The following ST13 variants were observed in gnomAD, a reference collection of about 807,000 sequenced individuals.
ST13 encodes the protein ST13 Hsp70 interacting protein, also known as hsc70-interacting protein.
A neutral mutation model predicts 56.7 loss-of-function variants in ST13; 23 were observed. The observed-to-expected ratio is 0.41, with a 90% CI of 0.29 to 0.57. The LOEUF (loss-of-function observed/expected upper bound fraction) is 0.57. Ranked by LOEUF, ST13 falls within the 20% of genes least tolerant of loss-of-function variation. ST13 has a pLI of 0.36. For synonymous variants in ST13, 132 were observed against 142.4 expected (o/e 0.93, Z 0.52); for missense variants, 369 against 459.9 (o/e 0.80, Z 1.81).
chr22:40,836,882 G>GAGT (rs1569000835), intron 5 of ST13, among the ~76,000 whole-genome samples: 1 of 152,162 alleles, frequency 6.6e-6, no homozygotes, highest in Non-Finnish European at 1.5e-5. Context: ...ACATAGGCTA[G>GAGT]AGTACAGTGG....
At chr22:40,835,006 T>C (rs747871542) in intron 7 of ST13, among the ~76,000 whole-genome samples, 15 of 152,200 alleles carry the variant, frequency 9.9e-5, no homozygotes, top group Non-Finnish European at 2.1e-4. Flanking sequence ...GATACAAATA[T>C]TCCTAAGTTT....
chr22:40,833,540 G>A (rs1204527174), intron 7 of ST13, among the ~76,000 whole-genome samples: 1 of 140,182 alleles, frequency 7.1e-6, no homozygotes, highest in Non-Finnish European at 1.5e-5. Context: ...ACTCTAGCCT[G>A]GGTGACAGAG....
At chr22:40,855,796 A>G (rs1440821580) in intron 1 of ST13, among the ~76,000 whole-genome samples, 3 of 152,140 alleles carry the variant, frequency 2.0e-5, no homozygotes, top group Admixed American at 6.5e-5. Flanking sequence ...GTTAAAGACA[A>G]CAAGATTATA....
chr22:40,849,204 G>A (rs1268217687), intron 2 of ST13, among the ~76,000 whole-genome samples: 3 of 152,044 alleles, frequency 2.0e-5, no homozygotes, highest in Admixed American at 6.6e-5. Flanking sequence ...AAGGCAGGGC[G>A]CAGTGGCTCA....
At chr22:40,838,909 AAT>A (rs1491297242) in intron 5 of ST13, among the ~76,000 whole-genome samples, 6 of 103,912 alleles carry the variant, frequency 5.8e-5, no homozygotes, top group Middle Eastern at 0.01. Context: ...GTATAGCATA[AAT>A]AAAAAAAAAA....
At chr22:40,851,188 C>T (rs2057859599) in intron 1 of ST13, among the ~76,000 whole-genome samples, 1 of 152,172 alleles carries the variant, frequency 6.6e-6, no homozygotes, top group Admixed American at 6.5e-5. Flanking sequence ...CATGCAATGA[C>T]AAAATCATTT....
At position 40,856,356 on chromosome 22, in the gene ST13, G is replaced by A. The variant is rs927836238; in HGVS notation, c.110+75C>T. 8 of 1,345,202 alleles carry A rather than the reference G, an allele frequency of 5.9e-6. No homozygotes were observed. The African/African-American group carries it at 7.3e-5, about 12-fold the overall frequency. The allele number at this position is 1,345,202 out of a possible 1,614,324, so 83.3% of individuals were successfully genotyped here. A position where few individuals can be genotyped will look rare whatever the true frequency, so the allele number is the denominator to read the frequency against. On this transcript the variant is annotated intron_variant, in intron 1 of 11. Coordinates refer to ENST00000216218, the MANE Select transcript of ST13 (RefSeq NM_003932.5). ...GCGACCCCGCCTCGCCCGCCGGACC[G>A]AGCCAGGTCCAGCCTGGCTCCCCCC...
rs765974812 is a variant in ST13 at position 40,826,513 on chromosome 22, A to G, written c.*25T>C. On this transcript the variant is annotated 3_prime_UTR_variant, in exon 12 of 12. Transcript: ENST00000216218. ...TGATCTAGGTTGCTTTTCCTTCAGCAAGGGCTTTATTTATCAGAAGGACAT... is the reference window on the plus strand; with the variant it reads ...TGATCTAGGTTGCTTTTCCTTCAGCGAGGGCTTTATTTATCAGAAGGACAT... 1.3e-6 allele frequency: 2 copies of G among 1,596,152 alleles called. No individual in the cohort carries two copies. The highest frequency in any genetic ancestry group is 1.7e-6 in the Non-Finnish European group (2 of 1,179,026).
chr22:40,837,996 T>C (rs2057785762), intron 5 of ST13, among the ~76,000 whole-genome samples: 1 of 152,156 alleles, frequency 6.6e-6, no homozygotes, highest in Non-Finnish European at 1.5e-5. Context: ...TCCAAATCTA[T>C]TCCCAATCTG....
chr22:40,851,036 T>C (rs767473528), intron 1 of ST13, among the ~76,000 whole-genome samples, 156 bp from the exon 2 acceptor site: 1 of 152,206 alleles, frequency 6.6e-6, no homozygotes, highest in African/African-American at 2.4e-5. Flanking sequence ...TGTGGTATTA[T>C]TATGGTTAAA....
At chr22:40,853,105 C>G (rs970211641) in intron 1 of ST13, among the ~76,000 whole-genome samples, 3 of 152,168 alleles carry the variant, frequency 2.0e-5, no homozygotes, top group Non-Finnish European at 4.4e-5. Flanking sequence ...GACTGAGGAA[C>G]TGTTTCAGAA....
intron 5 of ST13, among the ~76,000 whole-genome samples, chr22:40,838,304 T>A (rs1703887381): frequency 6.6e-6 from 1 of 152,200 alleles, no homozygotes; most frequent in Admixed American, 6.5e-5. Flanking sequence ...ATACTAATCT[T>A]TTATCCTTTA....
chr22:40,839,449 T>C (rs935776562), intron 5 of ST13, among the ~76,000 whole-genome samples: 1 of 152,198 alleles, frequency 6.6e-6, no homozygotes, highest in Admixed American at 6.5e-5. Context: ...TTACAAATTA[T>C]AACCGATCAA....
chr22:40,851,506 G>T (rs1314979206), intron 1 of ST13, among the ~76,000 whole-genome samples: 2 of 151,962 alleles, frequency 1.3e-5, no homozygotes, highest in African/African-American at 4.8e-5. Flanking sequence ...TTCATTATAA[G>T]CAAATAACTA....
intron 8 of ST13, 36 bp downstream of exon 8, chr22:40,832,533 T>C (rs2057758777): frequency 5.3e-6 from 8 of 1,497,700 alleles, no homozygotes; most frequent in Non-Finnish European, 7.4e-6. Flanking sequence ...ATGGAGTATT[T>C]AACTAATGAC....
intron 3 of ST13, 87 bp from the exon 4 acceptor site, chr22:40,844,996 A>T (rs892235126): frequency 1.2e-6 from 1 of 821,788 alleles, no homozygotes; most frequent in South Asian, 1.8e-5. Context: ...ACATACTATG[A>T]CTACTACAAT....
chr22:40,843,237 G>A (rs1379873320), intron 4 of ST13, among the ~76,000 whole-genome samples: 2 of 152,188 alleles, frequency 1.3e-5, no homozygotes, highest in Non-Finnish European at 2.9e-5. Context: ...CAATGGTGAG[G>A]AGATATATCT....
chr22:40,842,471 A>G (rs1312147243), intron 4 of ST13, among the ~76,000 whole-genome samples: 1 of 152,248 alleles, frequency 6.6e-6, no homozygotes, highest in Non-Finnish European at 1.5e-5. Context: ...GTAGACTTCA[A>G]AAAGATTTGA....
chr22:40,843,987 A>G (rs995943791), intron 4 of ST13, among the ~76,000 whole-genome samples: 2 of 150,942 alleles, frequency 1.3e-5, no homozygotes, highest in Admixed American at 6.6e-5. Context: ...GGTTCAAGTG[A>G]TTCTCCTGCC....
Sources: gnomAD v4.1 joint callset for allele counts (sites outside exome capture counted in the v4.1 genomes callset) on GRCh38, gnomAD v4.1.1 for gene constraint, MANE v1.5 for transcripts, NCBI Gene and HGNC (gene_info 2026-07-23, HGNC 2026-07-21) for gene names.